ARAP1: variants seen among roughly 807,000 people sequenced by gnomAD.
ARAP1 encodes the protein ArfGAP with RhoGAP domain, ankyrin repeat and PH domain 1, also known as arf-GAP with Rho-GAP domain, ANK repeat and PH domain-containing protein 1.
ARAP1 carries 76 observed loss-of-function variants against 172.2 expected under a neutral mutation model. The observed-to-expected ratio is 0.44, with a 90% CI of 0.37 to 0.53. The LOEUF is 0.53. Among genes scored for constraint, ARAP1 ranks in the 20% least tolerant of loss-of-function variants. The pLI is 0.00. For synonymous variants in ARAP1, 804 were observed against 803.3 expected (o/e 1.00, Z -0.01); for missense variants, 1,686 against 1,977.5 (o/e 0.85, Z 2.80).
Position 72,695,369 on chromosome 11 carries a change from C to T in ARAP1, c.3576+18G>A, listed in dbSNP as rs762776131. 6.2e-7 allele frequency: 1 copy of T among 1,614,080 alleles called. No homozygotes were observed. Among genetic ancestry groups the T allele is most frequent in the Admixed American group, 1.7e-5 (1 of 60,028 alleles). ...GCCTGATTCTCTAGCCCCTTGGCTT[C>T]TAGGTCCCAGCACCTACCTTGATAT... is the stretch of plus-strand genomic sequence containing the variant. On this transcript the variant is annotated intron_variant, in intron 26 of 34. Coordinates refer to ENST00000393609, the MANE Select transcript of ARAP1 (RefSeq NM_001040118.3). This position sits in a 1 kb window ranked among gnomAD's most constrained non-coding sequence, Gnocchi z 4.4.
chr11:72,688,111 G>A (rs1478723087), intron 31 of ARAP1, among the ~76,000 whole-genome samples: 5 of 151,952 alleles, frequency 3.3e-5, no homozygotes, highest in South Asian at 2.1e-4. Context: ...CGATCCTCCC[G>A]CCTCAGCCTC....
In ARAP1 at chr11:72,710,491, C is replaced by A. The variant is rs778511032; in HGVS notation, c.1310G>T (p.Gly437Val). 3 of 1,613,966 alleles carry A rather than the reference C, an allele frequency of 1.9e-6. No homozygotes were observed. In the Admixed American group the frequency reaches 5.0e-5, roughly 27 times the overall value. Residue 437 changes from glycine (G) to valine (V), a missense_variant, in exon 10 of 35, where the codon GGC (glycine) becomes GTC (valine). Gly to Val is a moderately radical substitution (Grantham distance 109, BLOSUM62 -3). This residue lies in a region of ARAP1 where 688 missense variants were observed against 856.9 expected (regional missense o/e 0.80). Transcript: ENST00000393609. The surrounding 1 kb of genome is among the most constrained non-coding windows in gnomAD (Gnocchi z 4.3). ...GCCAGCGCGGTCAGGCTGCTCTGAG[C>A]CTGGAACTCCCAGCAGATAAGCGCT... ...LSSAYLLGVP[G>V]SEQPDRAGSL...
rs117470790 is a variant in ARAP1 at position 72,739,992 on chromosome 11, C to T, written c.-127-7395G>A. 2.6e-3 allele frequency among the ~76,000 whole-genome samples: 390 copies of T among 152,342 alleles called. 4 individuals carry two copies. The highest frequency in any genetic ancestry group is 3.9e-3 in the Non-Finnish European group (267 of 68,044). On this transcript the variant is annotated intron_variant, in intron 1 of 34. Transcript: ENST00000393609. ...TCCCATCATACAATGAACTCACCAG[C>T]TCCCCTTGGGGACTGTGGGGAGCAG...
At position 72,716,898 on chromosome 11, in the gene ARAP1, G is replaced by A. The variant is rs917829151; in HGVS notation, c.510-2577C>T. ...GAATCTGGGGCCAAGGGGTGGGCCT[G>A]TGGGAGTCTTGAGTCGGAACGTACT... On this transcript the variant is annotated intron_variant, in intron 3 of 34. Coordinates refer to ENST00000393609, the MANE Select transcript of ARAP1 (RefSeq NM_001040118.3). 1.3e-5 allele frequency among the ~76,000 whole-genome samples: 2 copies of A among 152,342 alleles called. 1 individual carries two copies. Among genetic ancestry groups the A allele is most frequent in the Admixed American group, 1.3e-4 (2 of 15,310 alleles).
intron 30 of ARAP1, 54 bp downstream of exon 30, chr11:72,692,699 C>T: frequency 1.2e-6 from 2 of 1,610,580 alleles, no homozygotes; most frequent in Non-Finnish European, 1.7e-6. Context: ...CCACCCAGCT[C>T]ATTTGGCCCC....
chr11:72,719,528 G>A (rs967216252), intron 3 of ARAP1, among the ~76,000 whole-genome samples: 7 of 152,140 alleles, frequency 4.6e-5, no homozygotes, highest in Admixed American at 3.9e-4. Context: ...TTCAGTAAAG[G>A]AGGGCCACTT....
At chr11:72,688,320 G>C (rs1565207800) in intron 31 of ARAP1, 135 bp downstream of exon 31, 4 of 711,252 alleles carry the variant, frequency 5.6e-6, no homozygotes, top group Non-Finnish European at 7.1e-6. Flanking sequence ...AGGTGATGCT[G>C]CTGGTCTGGA....
At chr11:72,735,469 G>T (rs1208444242) in intron 1 of ARAP1, among the ~76,000 whole-genome samples, 5 of 152,104 alleles carry the variant, frequency 3.3e-5, no homozygotes, top group Non-Finnish European at 5.9e-5. Flanking sequence ...GGTGGTGGGT[G>T]CCTGTAATCC....
chr11:72,730,750 G>A (rs575876077), intron 2 of ARAP1, among the ~76,000 whole-genome samples: 1 of 152,310 alleles, frequency 6.6e-6, no homozygotes, highest in East Asian at 1.9e-4. Flanking sequence ...TAGGCACTTA[G>A]CCTGCATTTT....
At chr11:72,731,867 T>C (rs1857878292) in intron 2 of ARAP1, among the ~76,000 whole-genome samples, 1 of 152,148 alleles carries the variant, frequency 6.6e-6, no homozygotes, top group Non-Finnish European at 1.5e-5. Flanking sequence ...CAACTAAAAT[T>C]ACCAGCTGGA....
intron 12 of ARAP1, 116 bp from the exon 13 acceptor site, chr11:72,706,006 G>A (rs1358930540): frequency 7.3e-6 from 7 of 953,254 alleles, no homozygotes; most frequent in Non-Finnish European, 1.1e-5. Context: ...CAGGCCCCAG[G>A]GGGTAGGCCT....
intron 1 of ARAP1, among the ~76,000 whole-genome samples, chr11:72,738,820 C>A (rs911606523): frequency 3.3e-5 from 5 of 152,190 alleles, no homozygotes; most frequent in African/African-American, 1.2e-4. Flanking sequence ...TACCACCCCA[C>A]CCAATGGCCA....
chr11:72,737,631 T>TC (rs1858073216), intron 1 of ARAP1, among the ~76,000 whole-genome samples: 1 of 150,842 alleles, frequency 6.6e-6, no homozygotes, highest in South Asian at 2.1e-4. Context: ...ATTTGTTCTT[T>TC]TTTTTTTTTT....
intron 3 of ARAP1, among the ~76,000 whole-genome samples, chr11:72,721,326 G>T (rs1042060100): frequency 2.0e-5 from 3 of 152,182 alleles, no homozygotes; most frequent in African/African-American, 7.2e-5. Flanking sequence ...GGGGAGGAGG[G>T]GTAAGCAGCA....
rs146499381 is a variant in ARAP1, at chr11:72,710,424, G to A, written c.1377C>T (p.Ala459=). ...LRGFKNKLYV[A]VVGDKVQLYK... ...AGAGCTGCACTTTGTCCCCGACCAC[G>A]GCCACGTACAGCTTATTCTTGAAGC... is the stretch of plus-strand genomic sequence containing the variant. Residue 459 remains alanine, a synonymous_variant, in exon 10 of 35, where the codon GCC becomes GCT. Coordinates refer to ENST00000393609, the MANE Select transcript of ARAP1 (RefSeq NM_001040118.3). This position sits in a 1 kb window ranked among gnomAD's most constrained non-coding sequence, Gnocchi z 4.3. 9.3e-6 allele frequency: 15 copies of A among 1,614,006 alleles called. No individual in the cohort carries two copies. Among genetic ancestry groups the A allele is most frequent in the African/African-American group, 2.7e-5 (2 of 74,988 alleles).
In ARAP1 at chr11:72,695,232, G is replaced by A; in HGVS notation, c.3577-135C>T. The A allele has an allele frequency of 7.5e-7, 1 of 1,328,922 alleles. No homozygotes were observed. 82.3% of individuals were successfully genotyped at this position (1,328,922 alleles called of 1,614,324 possible). A position where few individuals can be genotyped will look rare whatever the true frequency, so the allele number is the denominator to read the frequency against. Reference sequence around the variant, plus strand: ...TCCTGGGATAGAGAGGGGTATTTCTGAGTGGTCCTTAGGAGCAGACCCCAG... The same window carrying A: ...TCCTGGGATAGAGAGGGGTATTTCTAAGTGGTCCTTAGGAGCAGACCCCAG... On this transcript the variant is annotated intron_variant, in intron 26 of 34. Coordinates refer to ENST00000393609, the MANE Select transcript of ARAP1 (RefSeq NM_001040118.3). This position sits in a 1 kb window ranked among gnomAD's most constrained non-coding sequence, Gnocchi z 4.4.
intron 1 of ARAP1, among the ~76,000 whole-genome samples, chr11:72,750,605 A>G (rs1203608725): frequency 1.3e-5 from 2 of 152,168 alleles, no homozygotes; most frequent in Admixed American, 6.5e-5. Flanking sequence ...ATCTTAGCAG[A>G]TAGGCCTGAC....
chr11:72,725,426 A>G lies in ARAP1; in HGVS notation c.509+1194T>C, dbSNP rs1183756002. On this transcript the variant is annotated intron_variant, in intron 3 of 34. Coordinates refer to ENST00000393609, the MANE Select transcript of ARAP1 (RefSeq NM_001040118.3). This position sits in a 1 kb window ranked among gnomAD's most constrained non-coding sequence, Gnocchi z 4.3. ...GGGCGCAAGGGCACCAGGAACCTTC[A>G]ATCTGAGCTTCCCTCCAGGTTCCTG... Among the ~76,000 whole-genome samples, 1 of 152,040 alleles carries G rather than the reference A, an allele frequency of 6.6e-6. No homozygotes were observed. Among genetic ancestry groups the G allele is most frequent in the Non-Finnish European group, 1.5e-5 (1 of 67,998 alleles).
chr11:72,704,435 G>A, intron 13 of ARAP1, 101 bp from the exon 14 acceptor site: 2 of 1,308,176 alleles, frequency 1.5e-6, no homozygotes, highest in East Asian at 2.5e-5. Context: ...GGCTGGGAGA[G>A]CCAGGCCATC....
Sources: allele counts gnomAD v4.1 joint callset (sites outside exome capture counted in the v4.1 genomes callset), GRCh38; gene constraint gnomAD v4.1.1; regional missense constraint gnomAD v4.1.1; non-coding constraint Gnocchi (gnomAD v3.1); transcripts MANE v1.5; gene names NCBI Gene and HGNC (gene_info 2026-07-23, HGNC 2026-07-21).